Variants in ARMC9 observed in about 807,000 individuals in gnomAD.
The protein encoded by ARMC9 is armadillo repeat containing 9.
In ARMC9, 94 loss-of-function variants were observed where a neutral mutation model predicts 107.0. The ratio of observed to expected loss-of-function variants is 0.88; its 90% CI spans 0.74 to 1.04. The LOEUF (loss-of-function observed/expected upper bound fraction) is 1.04, where lower values mean the gene tolerates loss of function less well. Ranked by LOEUF, ARMC9 falls within the 50% of genes least tolerant of loss-of-function variation. The pLI is 0.00. For missense variants in ARMC9, 942 were observed against 1,030.1 expected (o/e 0.91, Z 1.17); for synonymous variants, 380 against 396.9 (o/e 0.96, Z 0.51).
At chr2:231,359,885 G>T (rs892030269) in intron 22 of ARMC9, among the ~76,000 whole-genome samples, 3 of 152,312 alleles carry the variant, frequency 2.0e-5, no homozygotes, top group South Asian at 2.1e-4. Context: ...AGGGAAACCT[G>T]CAGGGAAGAT....
intron 18 of ARMC9, among the ~76,000 whole-genome samples, chr2:231,292,154 C>T (rs1165521457): frequency 7.1e-6 from 1 of 140,650 alleles, no homozygotes; most frequent in Non-Finnish European, 1.5e-5. Flanking sequence ...GGCGACAGAG[C>T]GAAACTCCTT....
chr2:231,233,625 A>G (rs1346976479), intron 7 of ARMC9, among the ~76,000 whole-genome samples: 4 of 152,006 alleles, frequency 2.6e-5, no homozygotes, highest in African/African-American at 9.7e-5. Flanking sequence ...AAAAATACAA[A>G]ATTAGCCGGG....
At chr2:231,248,171 GT>G (rs2036946470) in intron 9 of ARMC9, among the ~76,000 whole-genome samples, 2 of 152,146 alleles carry the variant, frequency 1.3e-5, no homozygotes, top group Non-Finnish European at 2.9e-5. Flanking sequence ...AGCGTCTGAG[GT>G]TTTTCTCTGT....
At chr2:231,221,625 T>C (rs1440137242) in intron 5 of ARMC9, among the ~76,000 whole-genome samples, 1 of 150,598 alleles carries the variant, frequency 6.6e-6, no homozygotes, top group African/African-American at 2.4e-5. Context: ...GGTCAGGAGT[T>C]CGAGACCAGC....
intron 6 of ARMC9, among the ~76,000 whole-genome samples, chr2:231,223,875 A>G (rs778278295): frequency 4.6e-5 from 7 of 152,088 alleles, no homozygotes; most frequent in African/African-American, 7.2e-5. Flanking sequence ...GCATATCCAA[A>G]CCTTTTCCTT....
In ARMC9 at chr2:231,279,090, G is replaced by A. The variant is rs1458876638; in HGVS notation, c.1551+632G>A. On this transcript the variant is annotated intron_variant, in intron 16 of 24. Transcript: ENST00000611582. ...CTGCCCCATGGGAGCCTGTGCCAGA[G>A]CTTCCAGGGATGTGTAGACACTCAT... is the stretch of plus-strand genomic sequence containing the variant. 3.3e-5 allele frequency among the ~76,000 whole-genome samples: 5 copies of A among 152,186 alleles called. No individual in the cohort carries two copies. The East Asian group carries it at 9.6e-4, about 29-fold the overall frequency.
chr2:231,355,970 G>A (rs2045330035), intron 22 of ARMC9, 36 bp downstream of exon 22: 1 of 1,522,858 alleles, frequency 6.6e-7, no homozygotes, highest in Non-Finnish European at 8.8e-7. Flanking sequence ...TCAGTTCTGG[G>A]ATTGTGATGT....
rs530600708 is a variant in ARMC9, at chr2:231,374,406, G to A, written c.*2871G>A. On this transcript the variant is annotated 3_prime_UTR_variant, in exon 25 of 25. Coordinates refer to ENST00000611582, the MANE Select transcript of ARMC9 (RefSeq NM_001352754.2). ...ATCTCATTTCTGCATTCACAGCAAG[G>A]TGGAACTGTCTGGCAAGAGCTTAAA... 4.3e-4 allele frequency: 66 copies of A among 152,260 alleles called. No homozygotes were observed. Among genetic ancestry groups the A allele is most frequent in the African/African-American group, 1.5e-3 (63 of 41,544 alleles). 9.4% of individuals were successfully genotyped at this position (152,260 alleles called of 1,614,324 possible). A position where few individuals can be genotyped will look rare whatever the true frequency, so the allele number is the denominator to read the frequency against.
At position 231,231,550 on chromosome 2, in the gene ARMC9, A is replaced by G. The variant is rs531520167; in HGVS notation, c.623-3674A>G. Among the ~76,000 whole-genome samples, 802 of 151,730 alleles carry G rather than the reference A, an allele frequency of 5.3e-3. 10 individuals carry two copies. The highest frequency in any genetic ancestry group is 0.019 in the African/African-American group (769 of 41,294). ...AGGCGCATGCCACCATGCCCAGCTA[A>G]TTTTTGTACTTTTAGTAGAGACGGG... On this transcript the variant is annotated intron_variant, in intron 7 of 24. Transcript: ENST00000611582.
At position 231,345,007 on chromosome 2, in the gene ARMC9, G is replaced by A. The variant is rs1279909811; in HGVS notation, c.1911G>A (p.Lys637=). Residue 637 remains lysine (K), a synonymous_variant, in exon 21 of 25, where the codon AAG becomes AAA. Transcript: ENST00000611582. ...CCAACACGGGGAAGACAAGGCGGAA[G>A]GGGCTGGCTAATGTGCAGTGGAGCG... The part of the protein sequence containing the change: ...IMTNTGKTRR[K]GLANVQWSGD... The A allele has an allele frequency of 6.2e-7, 1 of 1,614,076 alleles. No homozygotes were observed.
chr2:231,223,009 A>C (rs2034303198), intron 6 of ARMC9, among the ~76,000 whole-genome samples, 189 bp downstream of exon 6: 1 of 152,150 alleles, frequency 6.6e-6, no homozygotes, highest in Non-Finnish European at 1.5e-5. Flanking sequence ...ATATCATTGG[A>C]TCTCTGAGAC....
At chr2:231,225,358 T>A (rs768193621) in intron 6 of ARMC9, among the ~76,000 whole-genome samples, 2 of 152,164 alleles carry the variant, frequency 1.3e-5, no homozygotes. Flanking sequence ...ACCCTAGCTA[T>A]ATACCCAAGA....
chr2:231,338,511 GC>G (rs1265786327), intron 20 of ARMC9, among the ~76,000 whole-genome samples: 1 of 148,318 alleles, frequency 6.7e-6, no homozygotes, highest in African/African-American at 2.5e-5. Flanking sequence ...ACAGGCATGA[GC>G]CACCTCGCCC....
At chr2:231,351,300 C>T (rs557098827) in intron 21 of ARMC9, among the ~76,000 whole-genome samples, 2 of 151,848 alleles carry the variant, frequency 1.3e-5, no homozygotes, top group South Asian at 4.2e-4. Flanking sequence ...CCAGGAAGGC[C>T]AGGGAATCCC....
intron 2 of ARMC9, among the ~76,000 whole-genome samples, chr2:231,207,191 A>G (rs2032140950): frequency 6.6e-6 from 1 of 152,050 alleles, no homozygotes; most frequent in Non-Finnish European, 1.5e-5. Flanking sequence ...TAATTTTTGT[A>G]GAGATAGGAT....
intron 19 of ARMC9, among the ~76,000 whole-genome samples, chr2:231,300,066 C>G (rs1012956275): frequency 1.3e-5 from 2 of 152,226 alleles, no homozygotes; most frequent in African/African-American, 2.4e-5. Context: ...GTTCTCACCC[C>G]CAGTGACTCA....
At chr2:231,199,196 C>T (rs1214465454) in intron 1 of ARMC9, among the ~76,000 whole-genome samples, 1 of 152,232 alleles carries the variant, frequency 6.6e-6, no homozygotes, top group East Asian at 1.9e-4. Flanking sequence ...GGCCCTAAAT[C>T]TTTCTTATAT....
intron 5 of ARMC9, among the ~76,000 whole-genome samples, chr2:231,219,023 A>G (rs1171038957): frequency 2.0e-5 from 3 of 152,120 alleles, no homozygotes; most frequent in Non-Finnish European, 2.9e-5. Flanking sequence ...AAGTGCTAGG[A>G]TTACACGTAT....
At chr2:231,310,752 A>AC (rs1328351423) in intron 19 of ARMC9, among the ~76,000 whole-genome samples, 1 of 152,022 alleles carries the variant, frequency 6.6e-6, no homozygotes, top group Non-Finnish European at 1.5e-5. Context: ...GATAAAAAAA[A>AC]AAAAGGTAAG....
Sources: gnomAD v4.1 joint callset for allele counts (sites outside exome capture counted in the v4.1 genomes callset) on GRCh38, gnomAD v4.1.1 for gene constraint, MANE v1.5 for transcripts, NCBI Gene and HGNC (gene_info 2026-07-23, HGNC 2026-07-21) for gene names.